AGAP3: variants seen among roughly 807,000 people sequenced by gnomAD.
AGAP3 encodes ArfGAP with GTPase domain, ankyrin repeat and PH domain 3.
A neutral mutation model predicts 96.9 loss-of-function variants in AGAP3; 24 were observed. The ratio of observed to expected loss-of-function variants is 0.25; its 90% confidence interval spans 0.18 to 0.35. The LOEUF (loss-of-function observed/expected upper bound fraction) is 0.35, where lower values mean the gene tolerates loss of function less well. AGAP3 is among the 10% of genes least tolerant of loss of function. The pLI, the probability that AGAP3 is intolerant of heterozygous loss-of-function variation, is 1.00. For missense variants in AGAP3, 876 were observed against 1,254.2 expected, an observed-to-expected ratio of 0.70 and a Z score of 4.55; for synonymous variants, 563 against 536.1, an observed-to-expected ratio of 1.05 and a Z score of -0.69.
At chr7:151,137,109 G>A (rs1800623525) in intron 11 of AGAP3, among the ~76,000 whole-genome samples, 1 of 152,238 alleles carries the variant, frequency 6.6e-6, no homozygotes, top group Non-Finnish European at 1.5e-5. Context: ...TGGCCCCTTG[G>A]GCCATTCCTT....
At chr7:151,117,255 G>C (rs1003849782) in intron 3 of AGAP3, 73 bp downstream of exon 3, 2 of 1,587,734 alleles carry the variant, frequency 1.3e-6, no homozygotes, top group African/African-American at 2.7e-5. Flanking sequence ...GGTCTGGGTG[G>C]GGGGTCTCCA....
intron 1 of AGAP3, among the ~76,000 whole-genome samples, chr7:151,109,687 A>G (rs1409345101): frequency 6.6e-6 from 1 of 152,180 alleles, no homozygotes; most frequent in African/African-American, 2.4e-5. Flanking sequence ...AGGGCTCTCC[A>G]GGGTCCTCCG....
Position 151,140,480 on chromosome 7 carries a change from A to G in AGAP3, c.1804+364A>G, listed in dbSNP as rs1800776394. 6.2e-6 allele frequency: 1 copy of G among 160,950 alleles called. No homozygotes were observed. The highest frequency in any genetic ancestry group is 1.3e-5 in the Non-Finnish European group (1 of 74,118). 10.0% of individuals were successfully genotyped at this position (160,950 alleles called of 1,614,324 possible). On this transcript the variant is annotated intron_variant, in intron 13 of 17. Transcript: ENST00000397238. The surrounding 1 kb of genome is among the most constrained non-coding windows in gnomAD (Gnocchi z 5.4). ...GTGCTGGGTACTTACTAGGTGCGTA[A>G]TACATGTGTACAGATTGGCTGAGTC...
rs1006575850 is a variant in AGAP3 at position 151,100,802 on chromosome 7, A to T, written c.331+13730A>T. Among the ~76,000 whole-genome samples, 33 of 152,230 alleles carry T rather than the reference A, an allele frequency of 2.2e-4. 1 individual carries two copies. Among genetic ancestry groups the T allele is most frequent in the Non-Finnish European group, 2.9e-5 (2 of 68,044 alleles). ...GGCTGCAGTGAGCTGAGATTGCACCACTGCATTCTAGCCTGGAAGACAGAG... is the reference window on the plus strand; with the variant it reads ...GGCTGCAGTGAGCTGAGATTGCACCTCTGCATTCTAGCCTGGAAGACAGAG... On this transcript the variant is annotated intron_variant, in intron 1 of 17. Coordinates refer to ENST00000397238, the MANE Select transcript of AGAP3 (RefSeq NM_031946.7).
At chr7:151,134,355 C>G (rs1460904949) in intron 10 of AGAP3, 45 bp from the exon 11 acceptor site, 1 of 1,604,656 alleles carries the variant, frequency 6.2e-7, no homozygotes, top group East Asian at 2.2e-5. Flanking sequence ...GCTGGAGTGA[C>G]TGCTGCTAAC....
At position 151,118,250 on chromosome 7, in the gene AGAP3, C is replaced by A. The variant is rs1383217767; in HGVS notation, c.747C>A (p.Ser249Arg). The change falls in exon 6 of 18, where the codon AGC becomes AGA. Residue 249 changes from serine (S) to arginine (R), a missense_variant. Coordinates refer to ENST00000397238, the MANE Select transcript of AGAP3 (RefSeq NM_031946.7). The surrounding 1 kb of genome is among the most constrained non-coding windows in gnomAD (Gnocchi z 6.1). ...CGAATCCCCGGGTTATCGACGACAG[C>A]AGAGCCCGCAAGCTCTCCACAGATC... ...SAANPRVIDD[S>R]RARKLSTDLK... The A allele has an allele frequency of 8.1e-6, 13 of 1,612,970 alleles. No individual in the cohort carries two copies. The highest frequency in any genetic ancestry group is 1.1e-5 in the Non-Finnish European group (13 of 1,178,990).
intron 8 of AGAP3, among the ~76,000 whole-genome samples, chr7:151,121,202 C>G (rs551114109): frequency 4.5e-4 from 69 of 152,300 alleles, no homozygotes; most frequent in African/African-American, 1.7e-3. Flanking sequence ...GTCCCGAGCC[C>G]GCCACCTGCC....
In AGAP3 at chr7:151,142,976, C is replaced by A. The variant is rs1335170339; in HGVS notation, c.2273+342C>A. 6.6e-6 allele frequency among the ~76,000 whole-genome samples: 1 copy of A among 152,136 alleles called. No individual in the cohort carries two copies. Among genetic ancestry groups the A allele is most frequent in the Non-Finnish European group, 1.5e-5 (1 of 68,008 alleles). On this transcript the variant is annotated intron_variant, in intron 16 of 17. Transcript: ENST00000397238. This position sits in a 1 kb window ranked among gnomAD's most constrained non-coding sequence, Gnocchi z 7.5. ...GGAGTGTGTGGCCCCCCAGTGCAGG[C>A]CCCCACCCGCTTTGTTCCAGCACTG...
In AGAP3 at chr7:151,118,552, G is replaced by C. The variant is rs1361764019; in HGVS notation, c.889G>C (p.Gly297Arg). 2.5e-6 allele frequency: 4 copies of C among 1,614,004 alleles called. No individual in the cohort carries two copies. Among genetic ancestry groups the C allele is most frequent in the African/African-American group, 1.3e-5 (1 of 74,926 alleles). Residue 297 changes from glycine to arginine, a missense_variant, in exon 7 of 18, where the codon GGG becomes CGG. By Grantham distance (125) the Gly-to-Arg change is moderately radical. Around this residue, in one of 8 missense-constraint regions of AGAP3, gnomAD observed 100 missense variants for 129.4 expected, o/e 0.77. Transcript: ENST00000397238. This position sits in a 1 kb window ranked among gnomAD's most constrained non-coding sequence, Gnocchi z 6.1. Reference sequence around the variant, plus strand: ...GCGAAAGAAGCAGCAACTGGCCATCGGGCCCTGCAAGTCACTGCCCAACTC... The same window carrying C: ...GCGAAAGAAGCAGCAACTGGCCATCCGGCCCTGCAAGTCACTGCCCAACTC... ...ALRKKQQLAIGPCKSLPNSPS... is the reference protein window; with the variant it reads ...ALRKKQQLAIRPCKSLPNSPS...
In AGAP3 at chr7:151,114,126, A is replaced by G. The variant is rs1007931741; in HGVS notation, c.332-2667A>G. On this transcript the variant is annotated intron_variant, in intron 1 of 17. Coordinates refer to ENST00000397238, the MANE Select transcript of AGAP3 (RefSeq NM_031946.7). The surrounding 1 kb of genome is among the most constrained non-coding windows in gnomAD (Gnocchi z 4.4). ...CTGGATTTTATAATCTCCAAAGAAG[A>G]CAGCCTCAGTCATCAACAGAAACCG... Among the ~76,000 whole-genome samples, 1 of 152,244 alleles carries G rather than the reference A, an allele frequency of 6.6e-6. No individual in the cohort carries two copies. Among genetic ancestry groups the G allele is most frequent in the African/African-American group, 2.4e-5 (1 of 41,470 alleles).
chr7:151,122,718 T>G, intron 8 of AGAP3: 1 of 1,613,788 alleles, frequency 6.2e-7, no homozygotes. Context: ...TCTTTCGATA[T>G]TTGCAGATAT....
At chr7:151,123,910 C>T (rs1000244700) in intron 9 of AGAP3, 24 bp downstream of exon 9, 4 of 1,597,118 alleles carry the variant, frequency 2.5e-6, no homozygotes, top group African/African-American at 1.3e-5. Context: ...TTCCCGTGTG[C>T]TCCAGGGCTC....
rs1800839337 is a variant in AGAP3, at chr7:151,142,159, A to T, written c.1960-4A>T. 2.5e-6 allele frequency: 4 copies of T among 1,613,724 alleles called. No individual in the cohort carries two copies. The highest frequency in any genetic ancestry group is 3.4e-6 in the Non-Finnish European group (4 of 1,179,894). On this transcript the variant is annotated splice_region_variant and splice_polypyrimidine_tract_variant and intron_variant, in intron 14 of 17. Coordinates refer to ENST00000397238, the MANE Select transcript of AGAP3 (RefSeq NM_031946.7). The surrounding 1 kb of genome is among the most constrained non-coding windows in gnomAD (Gnocchi z 7.5). The stretch of plus-strand genomic sequence containing the variant: ...CTTGTCTTGTCTCTCCTGCTGTGCG[A>T]CAGACTCGACTGGGGAACCAGAACG...
intron 7 of AGAP3, chr7:151,119,092 C>T (rs1346974163): frequency 5.3e-6 from 1 of 190,194 alleles, no homozygotes; most frequent in African/African-American, 2.3e-5. Context: ...CGGCAGCGTT[C>T]CCATGTGGGA....
At chr7:151,107,323 A>T (rs1799098929) in intron 1 of AGAP3, among the ~76,000 whole-genome samples, 1 of 146,500 alleles carries the variant, frequency 6.8e-6, no homozygotes, top group African/African-American at 2.6e-5. Flanking sequence ...AAAAAAAAAA[A>T]AAAAGTTTTT....
At chr7:151,111,518 G>T (rs1799283631) in intron 1 of AGAP3, among the ~76,000 whole-genome samples, 1 of 152,124 alleles carries the variant, frequency 6.6e-6, no homozygotes, top group Non-Finnish European at 1.5e-5. Context: ...TCTCTTTCTG[G>T]CAGGGTCTCA....
rs768768410 is a variant in AGAP3 at position 151,117,074 on chromosome 7, T to C, written c.391-21T>C. ...TCGTGCCCTCTGCCCTCTGACCCAC[T>C]CACCCCTTCCTCTCCCGCAGGGCAT... On this transcript the variant is annotated intron_variant, in intron 2 of 17. Transcript: ENST00000397238. The C allele has an allele frequency of 1.9e-6, 3 of 1,610,996 alleles. No homozygotes were observed. The South Asian group carries it at 3.3e-5, about 18-fold the overall frequency.
rs115602188 is a variant in AGAP3, at chr7:151,120,273, C to T, written c.1128+128C>T. 2.0e-3 allele frequency: 2,039 copies of T among 999,362 alleles called. 34 individuals are homozygous for T. In the African/African-American group the frequency reaches 0.029, roughly 14 times the overall value. 61.9% of individuals were successfully genotyped at this position (999,362 alleles called of 1,614,324 possible). On this transcript the variant is annotated intron_variant, in intron 8 of 17. Coordinates refer to ENST00000397238, the MANE Select transcript of AGAP3 (RefSeq NM_031946.7). Reference sequence around the variant, plus strand: ...AAGACGGTACCTGCAGTCTCTCCCTCAGATACACACGGCTCCCGAGGGTCC... The same window carrying T: ...AAGACGGTACCTGCAGTCTCTCCCTTAGATACACACGGCTCCCGAGGGTCC...
chr7:151,115,702 G>T, intron 1 of AGAP3: 1 of 1,030,050 alleles, frequency 9.7e-7, no homozygotes. Flanking sequence ...AAAGCCGGAC[G>T]CGCCCAGGGC....
Sources: allele counts gnomAD v4.1 joint callset (sites outside exome capture counted in the v4.1 genomes callset), GRCh38; gene constraint gnomAD v4.1.1; regional missense constraint gnomAD v4.1.1; non-coding constraint Gnocchi (gnomAD v3.1); transcripts MANE v1.5; gene names NCBI Gene and HGNC (gene_info 2026-07-23, HGNC 2026-07-21).